Variants in ADGRB3 observed in about 807,000 individuals in gnomAD.
The protein encoded by ADGRB3 is brain-specific angiogenesis inhibitor 3.
A neutral mutation model predicts 193.4 loss-of-function variants in ADGRB3; 37 were observed. The ratio of observed to expected loss-of-function variants is 0.19; its 90% CI spans 0.15 to 0.25. The LOEUF is 0.25. Ranked by LOEUF, ADGRB3 falls within the 10% of genes least tolerant of loss-of-function variation. ADGRB3 has a pLI of 1.00. For missense variants in ADGRB3, 1,637 were observed against 1,852.9 expected, an observed-to-expected ratio of 0.88 and a Z score of 2.14; for synonymous variants, 690 against 644.2, an observed-to-expected ratio of 1.07 and a Z score of -1.08.
At chr6:69,310,021 C>A (rs1768150588) in intron 20 of ADGRB3, among the ~76,000 whole-genome samples, 1 of 151,702 alleles carries the variant, frequency 6.6e-6, no homozygotes, top group African/African-American at 2.4e-5. Context: ...TTCCTCTACA[C>A]AACTTTTATG....
intron 3 of ADGRB3, among the ~76,000 whole-genome samples, chr6:68,682,394 G>A (rs550260053): frequency 1.3e-5 from 2 of 152,132 alleles, no homozygotes; most frequent in African/African-American, 2.4e-5. Context: ...GGTTGAAATC[G>A]AACCAAAGAA....
At chr6:68,725,785 G>A (rs1765661924) in intron 3 of ADGRB3, among the ~76,000 whole-genome samples, 1 of 151,572 alleles carries the variant, frequency 6.6e-6, no homozygotes, top group Admixed American at 6.6e-5. Flanking sequence ...GTCAACACTA[G>A]CACAGATCAC....
intron 3 of ADGRB3, among the ~76,000 whole-genome samples, chr6:68,728,358 C>A (rs1362967162): frequency 6.6e-6 from 1 of 150,890 alleles, no homozygotes; most frequent in Non-Finnish European, 1.5e-5. Flanking sequence ...AAGTTCTTGG[C>A]AGTCTATGAA....
intron 17 of ADGRB3, among the ~76,000 whole-genome samples, chr6:69,184,914 T>A (rs1765037612): frequency 6.6e-6 from 1 of 152,126 alleles, no homozygotes; most frequent in East Asian, 1.9e-4. Context: ...ATCATTTTCT[T>A]CAAATGCAAT....
chr6:69,174,557 C>T (rs1561942426), intron 17 of ADGRB3, among the ~76,000 whole-genome samples: 2 of 152,202 alleles, frequency 1.3e-5, no homozygotes, highest in African/African-American at 4.8e-5. Flanking sequence ...CTGCAATGCA[C>T]ATATAAGTTC....
At chr6:68,777,489 C>T (rs374981892) in intron 3 of ADGRB3, among the ~76,000 whole-genome samples, 87 of 151,880 alleles carry the variant, frequency 5.7e-4, no homozygotes, top group African/African-American at 1.9e-3. Flanking sequence ...CCCATATTAA[C>T]GACCAGTAAT....
In ADGRB3 at chr6:68,989,917, T is replaced by G. The variant is rs148052329; in HGVS notation, c.1735-3851T>G. On this transcript the variant is annotated intron_variant, in intron 10 of 31. Coordinates refer to ENST00000370598, the MANE Select transcript of ADGRB3 (RefSeq NM_001704.3). ...AGGAAGTAGCAATAAGAGAAGTTGATATTTAAATAAGATATATGATATCAG... is the reference window on the plus strand; with the variant it reads ...AGGAAGTAGCAATAAGAGAAGTTGAGATTTAAATAAGATATATGATATCAG... 1.2e-4 allele frequency among the ~76,000 whole-genome samples: 19 copies of G among 152,252 alleles called. No individual in the cohort carries two copies. The East Asian group carries it at 3.7e-3, about 29-fold the overall frequency.
At chr6:69,040,305 G>GAC (rs1770991635) in intron 13 of ADGRB3, among the ~76,000 whole-genome samples, 1 of 106,830 alleles carries the variant, frequency 9.4e-6, no homozygotes, top group African/African-American at 3.9e-5. Flanking sequence ...TCCTTTCTCT[G>GAC]TCTCTTTCTT....
intron 28 of ADGRB3, among the ~76,000 whole-genome samples, chr6:69,360,276 A>G (rs1442701100): frequency 6.6e-6 from 1 of 151,922 alleles, no homozygotes; most frequent in Non-Finnish European, 1.5e-5. Context: ...ACTGAATATG[A>G]TAAATACTTT....
intron 17 of ADGRB3, among the ~76,000 whole-genome samples, chr6:69,105,676 CAT>C (rs1773186644): frequency 1.3e-5 from 2 of 152,108 alleles, no homozygotes; most frequent in Non-Finnish European, 2.9e-5. Context: ...TCCCAAAAAT[CAT>C]ATAATGCAGT....
intron 3 of ADGRB3, among the ~76,000 whole-genome samples, chr6:68,744,135 A>G (rs1766035619): frequency 6.6e-6 from 1 of 152,140 alleles, no homozygotes; most frequent in East Asian, 1.9e-4. Context: ...AGAATGAAGG[A>G]AAAGAAGAAA....
chr6:68,840,224 T>C (rs1768125017), intron 3 of ADGRB3, among the ~76,000 whole-genome samples: 1 of 152,046 alleles, frequency 6.6e-6, no homozygotes, highest in South Asian at 2.1e-4. Flanking sequence ...GACACCAAGC[T>C]GGGGTGGCCA....
At chr6:68,686,917 G>A (rs982289129) in intron 3 of ADGRB3, among the ~76,000 whole-genome samples, 1 of 152,092 alleles carries the variant, frequency 6.6e-6, no homozygotes, top group Non-Finnish European at 1.5e-5. Flanking sequence ...TCTCAAGAAG[G>A]TATAACCTGA....
intron 10 of ADGRB3, among the ~76,000 whole-genome samples, chr6:68,991,307 G>A (rs1470832641): frequency 6.6e-6 from 1 of 151,724 alleles, no homozygotes; most frequent in Non-Finnish European, 1.5e-5. Context: ...TAGATAATGG[G>A]AATAAAATAA....
intron 3 of ADGRB3, among the ~76,000 whole-genome samples, chr6:68,874,315 T>C (rs1765532340): frequency 1.3e-5 from 2 of 152,152 alleles, no homozygotes; most frequent in Non-Finnish European, 2.9e-5. Flanking sequence ...TATTATTACA[T>C]TCACAGGTAA....
intron 3 of ADGRB3, among the ~76,000 whole-genome samples, chr6:68,852,043 A>C (rs191634411): frequency 1.1e-4 from 16 of 151,990 alleles, no homozygotes; most frequent in Admixed American, 1.0e-3. Context: ...TGTTTACTAT[A>C]ACCTATTGTA....
chr6:69,011,694 A>T (rs1431112998), intron 11 of ADGRB3, among the ~76,000 whole-genome samples: 3 of 152,094 alleles, frequency 2.0e-5, no homozygotes, highest in Admixed American at 6.6e-5. Flanking sequence ...TTTGCAACTT[A>T]AATTTTGTTT....
rs564130016 is a variant in ADGRB3 at position 69,282,369 on chromosome 6, T to TGGTG, written c.2815-42502_2815-42501insGTGG. On this transcript the variant is annotated intron_variant, in intron 20 of 31. Coordinates refer to ENST00000370598, the MANE Select transcript of ADGRB3 (RefSeq NM_001704.3). ...AGCAGTACAAAAATGCCCCAACCTA[T>TGGTG]GTATAGCCACCAGTTCATAAAAATA... Among the ~76,000 whole-genome samples, 48 of 152,210 alleles carry TGGTG rather than the reference T, an allele frequency of 3.2e-4. No homozygotes were observed. The East Asian group carries it at 5.8e-3, about 18-fold the overall frequency.
At chr6:68,738,216 C>T (rs1765909016) in intron 3 of ADGRB3, among the ~76,000 whole-genome samples, 1 of 152,090 alleles carries the variant, frequency 6.6e-6, no homozygotes, top group Non-Finnish European at 1.5e-5. Context: ...GTGGCAAACT[C>T]AGGAAGCCAT....
Sources: gnomAD v4.1 joint callset for allele counts (sites outside exome capture counted in the v4.1 genomes callset) on GRCh38, gnomAD v4.1.1 for gene constraint, MANE v1.5 for transcripts, NCBI Gene and HGNC (gene_info 2026-07-23, HGNC 2026-07-21) for gene names.